RBFOX1: variants seen among roughly 807,000 people sequenced by gnomAD.
RBFOX1 encodes RNA binding protein fox-1 homolog 1.
RBFOX1 carries 8 observed loss-of-function variants against 57.7 expected under a neutral mutation model. The ratio of observed to expected loss-of-function variants is 0.14; its 90% CI spans 0.08 to 0.25. RBFOX1 has a LOEUF of 0.25. Ranked by LOEUF, RBFOX1 falls within the 10% of genes least tolerant of loss-of-function variation. The probability of loss-of-function intolerance (pLI) is 1.00; values close to 1 mark genes in which losing one functional copy is unlikely to be tolerated. For synonymous variants in RBFOX1, 326 were observed against 222.4 expected (o/e 1.47, Z -4.15); for missense variants, 611 against 548.5 (o/e 1.11, Z -1.14).
intron 11 of RBFOX1, among the ~76,000 whole-genome samples, chr16:7,635,800 T>C (rs2061658189): frequency 6.6e-6 from 1 of 152,118 alleles, no homozygotes; most frequent in Admixed American, 6.5e-5. Context: ...TTTTACTTTT[T>C]ATTTTATTTA....
intron 3 of RBFOX1, among the ~76,000 whole-genome samples, chr16:6,769,157 C>G (rs1603618544): frequency 6.6e-6 from 1 of 152,252 alleles, no homozygotes; most frequent in African/African-American, 2.4e-5. Context: ...GCAGGTCATT[C>G]CCACGCTGTT....
At chr16:6,790,959 G>T (rs934968341) in intron 3 of RBFOX1, among the ~76,000 whole-genome samples, 1 of 152,018 alleles carries the variant, frequency 6.6e-6, no homozygotes, top group Middle Eastern at 3.4e-3. Flanking sequence ...AGGTTGGAGT[G>T]CATTGGTATG....
Position 5,598,962 on chromosome 16 carries a change from G to A in RBFOX1, c.319G>A (p.Val107Ile), listed in dbSNP as rs183693851. The A allele has an allele frequency of 3.1e-5, 48 of 1,529,226 alleles. No homozygotes were observed. The East Asian group carries it at 6.8e-4, about 22-fold the overall frequency. 94.7% of individuals were successfully genotyped at this position (1,529,226 alleles called of 1,614,324 possible). ...TGCCAAGAACAGCCTGCAAGACTCC[G>A]TAAGTAGAAGCATTTTGCTGAACAG... The change falls in exon 3 of 3, where the codon GTA (valine) becomes ATA (isoleucine). Residue 107 changes from valine (V) to isoleucine (I), a missense_variant. Coordinates refer to the RBFOX1 transcript ENST00000585867.
At chr16:6,275,551 G>C (rs910509319) in intron 1 of RBFOX1, among the ~76,000 whole-genome samples, 3 of 152,112 alleles carry the variant, frequency 2.0e-5, no homozygotes, top group East Asian at 1.9e-4. Context: ...GTATGTTGTT[G>C]TGTTTGAATG....
chr16:5,890,202 A>C (rs191750811), intron 4 of RBFOX1, among the ~76,000 whole-genome samples: 63 of 152,266 alleles, frequency 4.1e-4, no homozygotes, highest in Non-Finnish European at 4.3e-4. Flanking sequence ...GTACCTCTTT[A>C]AGCCTCTTGT....
chr16:5,576,169 T>C (rs1421872907), intron 2 of RBFOX1, among the ~76,000 whole-genome samples: 3 of 152,056 alleles, frequency 2.0e-5, no homozygotes, highest in Non-Finnish European at 4.4e-5. Flanking sequence ...TTTTTTTTAG[T>C]AGAGATGGGG....
At chr16:7,095,441 A>G (rs1019175347) in intron 4 of RBFOX1, among the ~76,000 whole-genome samples, 1 of 152,132 alleles carries the variant, frequency 6.6e-6, no homozygotes. Context: ...GCCAGCTTAG[A>G]ATGTTCTTCC....
intron 2 of RBFOX1, among the ~76,000 whole-genome samples, chr16:6,431,921 C>A (rs915392818): frequency 1.3e-5 from 2 of 149,162 alleles, no homozygotes; most frequent in East Asian, 2.0e-4. Context: ...TTCTTTCTTT[C>A]TTTCTTTCTT....
At chr16:6,417,321 T>G (rs1034360310) in intron 2 of RBFOX1, among the ~76,000 whole-genome samples, 1 of 151,752 alleles carries the variant, frequency 6.6e-6, no homozygotes, top group Admixed American at 6.6e-5. Flanking sequence ...AATTTTCACC[T>G]TTCTTTCCCT....
intron 5 of RBFOX1, among the ~76,000 whole-genome samples, chr16:7,525,989 C>T (rs2078615559): frequency 6.6e-6 from 1 of 152,152 alleles, no homozygotes; most frequent in Non-Finnish European, 1.5e-5. Context: ...GGTCTGTAGC[C>T]TGTTGGGAAC....
At chr16:5,800,171 G>C (rs1184866364) in intron 3 of RBFOX1, among the ~76,000 whole-genome samples, 1 of 152,092 alleles carries the variant, frequency 6.6e-6, no homozygotes, top group Non-Finnish European at 1.5e-5. Flanking sequence ...AGAAAAAGTA[G>C]GAAATATGCT....
chr16:7,651,250 G>C (rs571699148), intron 11 of RBFOX1, among the ~76,000 whole-genome samples: 1 of 152,312 alleles, frequency 6.6e-6, no homozygotes, highest in South Asian at 2.1e-4. Flanking sequence ...TAGCCATTTG[G>C]TCTTCACTTT....
intron 3 of RBFOX1, among the ~76,000 whole-genome samples, chr16:6,916,446 C>T (rs570935193): frequency 6.6e-6 from 1 of 151,256 alleles, no homozygotes; most frequent in African/African-American, 2.4e-5. Flanking sequence ...GTAATGTGGT[C>T]TAATACACCT....
intron 1 of RBFOX1, among the ~76,000 whole-genome samples, chr16:5,458,003 C>G (rs913443573): frequency 2.0e-5 from 3 of 152,136 alleles, no homozygotes; most frequent in African/African-American, 4.8e-5. Context: ...ATAGCCTCCC[C>G]TCTTTGCTGT....
Position 6,559,665 on chromosome 16 carries a change from C to G in RBFOX1, c.-63-94938C>G, listed in dbSNP as rs114613050. ...ATATATGTGAATATATACCCACACA[C>G]ACAAATAAGTACATAGGTATATATC... On this transcript the variant is annotated intron_variant, in intron 2 of 15. Coordinates refer to ENST00000550418, the MANE Select transcript of RBFOX1 (RefSeq NM_018723.4). Among the ~76,000 whole-genome samples the G allele has an allele frequency of 5.3e-5, 8 of 152,126 alleles. No homozygotes were observed. The East Asian group carries it at 1.4e-3, about 26-fold the overall frequency.
intron 4 of RBFOX1, among the ~76,000 whole-genome samples, chr16:7,305,130 T>C (rs2096146970): frequency 1.3e-5 from 2 of 152,040 alleles, no homozygotes; most frequent in African/African-American, 4.8e-5. Context: ...TGTGTGTGTG[T>C]GCGTGTGTGG....
chr16:7,165,387 GTAA>G (rs142157694), intron 4 of RBFOX1, among the ~76,000 whole-genome samples: 20 of 141,200 alleles, frequency 1.4e-4, no homozygotes, highest in South Asian at 1.4e-3. Context: ...TAACTCTTCT[GTAA>G]TAATAATAAT....
rs148238186 is a variant in RBFOX1 at position 5,791,808 on chromosome 16, G to C, written c.319-75495G>C. On this transcript the variant is annotated intron_variant, in intron 3 of 19. Transcript: ENST00000641259. ...GACATGTTTGATCTGAATATCCTTT[G>C]CTTGGTTTCCACTTAAGGCCACTTT... Among the ~76,000 whole-genome samples, 171 of 152,300 alleles carry C rather than the reference G, an allele frequency of 1.1e-3. 2 individuals carry two copies. The highest frequency in any genetic ancestry group is 3.8e-3 in the African/African-American group (157 of 41,562).
chr16:7,173,640 A>G (rs17142766), intron 4 of RBFOX1, among the ~76,000 whole-genome samples: 4,887 of 152,272 alleles, frequency 0.032, 103 homozygotes, highest in South Asian at 0.097. Flanking sequence ...CAGTAAAGAT[A>G]TTAGGAGGTG....
Sources: gnomAD v4.1 joint callset for allele counts (sites outside exome capture counted in the v4.1 genomes callset) on GRCh38, gnomAD v4.1.1 for gene constraint, MANE v1.5 for transcripts, NCBI Gene and HGNC (gene_info 2026-07-23, HGNC 2026-07-21) for gene names.